Variants in MPP2 observed in about 807,000 individuals in gnomAD.
MPP2 encodes MAGUK p55 scaffold protein 2.
Under a neutral mutation model 58.5 loss-of-function variants are expected in MPP2, and 42 were observed. That is an observed-to-expected ratio of 0.72 (90% CI 0.56 to 0.93). MPP2 has a LOEUF of 0.93. Among genes scored for constraint, MPP2 ranks in the 40% least tolerant of loss-of-function variants. MPP2 has a pLI of 0.00. For synonymous variants in MPP2, 300 were observed against 307.8 expected (o/e 0.97, Z 0.26); for missense variants, 632 against 760.4 (o/e 0.83, Z 1.99).
chr17:43,900,070 A>T (rs1052015089), intron 2 of MPP2, among the ~76,000 whole-genome samples: 1 of 152,134 alleles, frequency 6.6e-6, no homozygotes, highest in Admixed American at 6.5e-5. Context: ...GGGCACTGGA[A>T]CTGGAGCTGG....
At chr17:43,900,398 G>T (rs1311128107) in intron 2 of MPP2, 1 of 1,514,576 alleles carries the variant, frequency 6.6e-7, no homozygotes, top group East Asian at 2.5e-5. Context: ...CTCCCCAGAT[G>T]CCCCGACTCT....
chr17:43,890,248 A>C (rs190513288), intron 3 of MPP2, among the ~76,000 whole-genome samples: 2 of 152,156 alleles, frequency 1.3e-5, no homozygotes, highest in African/African-American at 2.4e-5. Context: ...GCTAAGACTT[A>C]TTCTTCTTTT....
chr17:43,877,978 C>T lies in MPP2; in HGVS notation c.1488G>A (p.Ala496=), dbSNP rs202102159. ...TCTCCTCCACTGTCCGTCTCAGGTC[C>T]GCCTCCTGCCCAGGCACAAGGGGAC... ...SGISTKQLTE[A]DLRRTVEESS... The change falls in exon 13 of 13, where the codon GCG becomes GCA. Residue 496 remains alanine (A), a synonymous_variant. Coordinates refer to ENST00000269095, the MANE Select transcript of MPP2 (RefSeq NM_005374.5). The T allele has an allele frequency of 5.6e-5, 91 of 1,612,172 alleles. No individual in the cohort carries two copies. Among genetic ancestry groups the T allele is most frequent in the Admixed American group, 2.8e-4 (17 of 59,962 alleles).
Position 43,877,721 on chromosome 17 carries a change from T to G in MPP2, c.*86A>C. 2 of 1,190,470 alleles carry G rather than the reference T, an allele frequency of 1.7e-6. No individual in the cohort carries two copies. Among genetic ancestry groups the G allele is most frequent in the Non-Finnish European group, 2.4e-6 (2 of 820,748 alleles). 73.7% of individuals were successfully genotyped at this position (1,190,470 alleles called of 1,614,324 possible). A position where few individuals can be genotyped will look rare whatever the true frequency, so the allele number is the denominator to read the frequency against. On this transcript the variant is annotated 3_prime_UTR_variant, in exon 13 of 13. Coordinates refer to ENST00000269095, the MANE Select transcript of MPP2 (RefSeq NM_005374.5). Reference sequence around the variant, plus strand: ...ACAGCCAGATATGGGGGCTAAGGATTGTGGCAGGGGGTCACAGGTCAGGAG... The same window carrying G: ...ACAGCCAGATATGGGGGCTAAGGATGGTGGCAGGGGGTCACAGGTCAGGAG...
chr17:43,900,324 T>A, intron 2 of MPP2: 1 of 791,384 alleles, frequency 1.3e-6, no homozygotes, highest in Admixed American at 2.9e-5. Flanking sequence ...GCCAAGGGAG[T>A]TGGTGCCCTC....
intron 3 of MPP2, among the ~76,000 whole-genome samples, chr17:43,892,812 A>T (rs763453158): frequency 4.6e-5 from 7 of 152,192 alleles, no homozygotes; most frequent in Non-Finnish European, 8.8e-5. Flanking sequence ...GACACAGCAC[A>T]TTGGTTCATT....
At chr17:43,900,406 T>G in intron 2 of MPP2, 1 of 1,523,402 alleles carries the variant, frequency 6.6e-7, no homozygotes, top group East Asian at 2.5e-5. Flanking sequence ...ATGCCCCGAC[T>G]CTGCTGGAGG....
rs374604673 is a variant in MPP2 at position 43,887,600 on chromosome 17, AC to A, written c.151-4246del. On this transcript the variant is annotated intron_variant, in intron 3 of 12. Transcript: ENST00000269095. Reference sequence around the variant, plus strand: ...GATATATGATGTGAGGAATAAATACACTTTGATATCTTTCAAAATGACTATC... The same window carrying A: ...GATATATGATGTGAGGAATAAATACATTTGATATCTTTCAAAATGACTATC... Among the ~76,000 whole-genome samples the A allele has an allele frequency of 1.2e-4, 18 of 151,808 alleles. No homozygotes were observed. The East Asian group carries it at 3.5e-3, about 29-fold the overall frequency.
intron 3 of MPP2, among the ~76,000 whole-genome samples, chr17:43,886,487 G>A (rs946710586): frequency 1.3e-5 from 2 of 152,018 alleles, no homozygotes; most frequent in African/African-American, 4.8e-5. Flanking sequence ...AGTCTCCATG[G>A]GTATTTAGGT....
chr17:43,882,518 G>A lies in MPP2; in HGVS notation c.454-7C>T. 6.2e-7 allele frequency: 1 copy of A among 1,601,510 alleles called. No homozygotes were observed. Among genetic ancestry groups the A allele is most frequent in the East Asian group, 2.2e-5 (1 of 44,858 alleles). On this transcript the variant is annotated splice_polypyrimidine_tract_variant and splice_region_variant and intron_variant, in intron 5 of 12. Coordinates refer to ENST00000269095, the MANE Select transcript of MPP2 (RefSeq NM_005374.5). ...CCACGCGGAACGTTACACCCTGGAG[G>A]TCAGAGGGAGTGTAAGATGAGGCCC...
chr17:43,894,738 A>G (rs1226884830), intron 3 of MPP2, among the ~76,000 whole-genome samples: 1 of 151,568 alleles, frequency 6.6e-6, no homozygotes, highest in Non-Finnish European at 1.5e-5. Context: ...GTTTGAGACT[A>G]GCCTGGACAA....
chr17:43,894,616 GAA>G (rs36073194), intron 3 of MPP2, among the ~76,000 whole-genome samples: 6 of 66,090 alleles, frequency 9.1e-5, no homozygotes, highest in African/African-American at 2.9e-4. Flanking sequence ...GACTCCAGAG[GAA>G]AAAAAAAAAA....
chr17:43,878,591 GGCAAAGGTCCAGAGCTCCTTAAGGGGGT>G lies in MPP2; in HGVS notation c.1483-636_1483-609del, dbSNP rs2046952513. ...GAGGAGGTGCCCAGAATGGGGATCA[GGCAAAGGTCCAGAGCTCCTTAAGGGGGT>G]CATTGGCAGAAGGGTGCCAGCCTAG... On this transcript the variant is annotated intron_variant, in intron 12 of 12. Transcript: ENST00000269095. 2.0e-5 allele frequency among the ~76,000 whole-genome samples: 3 copies of G among 152,344 alleles called. No homozygotes were observed. The South Asian group carries it at 6.2e-4, about 32-fold the overall frequency.
Position 43,881,277 on chromosome 17 carries a change from CA to C in MPP2, c.885del (p.Phe295LeufsTer8). On this transcript the variant is annotated frameshift_variant, in exon 8 of 13. Transcript: ENST00000269095. LOFTEE classifies it high-confidence loss of function. ...SQLLEEKRKA[F>X]VKRDLELTPN... Reference sequence around the variant, plus strand: ...GGTGTCAGCTCCAGGTCCCTCTTGACAAATGCTTTCCGCTTCTCCTCCAGCA... The same window carrying C: ...GGTGTCAGCTCCAGGTCCCTCTTGACAATGCTTTCCGCTTCTCCTCCAGCA... The C allele has an allele frequency of 6.2e-7, 1 of 1,614,092 alleles. No homozygotes were observed. Among genetic ancestry groups the C allele is most frequent in the Non-Finnish European group, 8.5e-7 (1 of 1,180,018 alleles).
chr17:43,909,666 G>T (rs1289413862), upstream of MPP2: 1 of 1,320,438 alleles, frequency 7.6e-7, no homozygotes, highest in Non-Finnish European at 9.9e-7. Context: ...CTGCCCCACT[G>T]CATTCGTCGG....
rs765534926 is a variant in MPP2, at chr17:43,882,998, G to A, written c.358C>T (p.Pro120Ser). 16 of 1,610,124 alleles carry A rather than the reference G, an allele frequency of 9.9e-6. No homozygotes were observed. In the African/African-American group the frequency reaches 2.1e-4, roughly 22 times the overall value. The change falls in exon 5 of 13, where the codon CCC becomes TCC. Residue 120 changes from proline to serine, a missense_variant. Coordinates refer to ENST00000269095, the MANE Select transcript of MPP2 (RefSeq NM_005374.5). ...AATGTAGGGTCCAGGCCAGGGCTGG[G>A]GGGTGGTGTCTCATAGGTCTTTGAG... ...VASKTYETPP[P>S]SPGLDPTFSN... is the part of the protein sequence containing the mutation.
In MPP2 at chr17:43,879,428, G is replaced by A; in HGVS notation, c.1354-25C>T. On this transcript the variant is annotated intron_variant, in intron 11 of 12. Transcript: ENST00000269095. The surrounding 1 kb of genome is among the most constrained non-coding windows in gnomAD (Gnocchi z 4.1). ...CCTGCAGAAGGAGAAGGCAAGGTAGGGAGTATATCCCCATGTCTGTCCTAG... is the reference window on the plus strand; with the variant it reads ...CCTGCAGAAGGAGAAGGCAAGGTAGAGAGTATATCCCCATGTCTGTCCTAG... 6.2e-7 allele frequency: 1 copy of A among 1,613,292 alleles called. No individual in the cohort carries two copies. The highest frequency in any genetic ancestry group is 8.5e-7 in the Non-Finnish European group (1 of 1,179,446).
intron 2 of MPP2, chr17:43,901,435 T>C (rs2048093188): frequency 1.0e-6 from 1 of 985,272 alleles, no homozygotes; most frequent in Admixed American, 6.1e-5. Flanking sequence ...CAGGGAAAAG[T>C]GTGGGCAGAA....
At chr17:43,907,687 G>T, upstream of MPP2, 1 of 985,702 alleles carries the variant, frequency 1.0e-6, no homozygotes. Context: ...GGGCAGCCAG[G>T]TAGTGGTTTG....
Sources: allele counts gnomAD v4.1 joint callset (sites outside exome capture counted in the v4.1 genomes callset), GRCh38; gene constraint gnomAD v4.1.1; non-coding constraint Gnocchi (gnomAD v3.1); transcripts MANE v1.5; gene names NCBI Gene and HGNC (gene_info 2026-07-23, HGNC 2026-07-21).